MYO1E: variants seen among roughly 807,000 people sequenced by gnomAD.
MYO1E encodes unconventional myosin-Ie.
In MYO1E, 68 loss-of-function variants were observed where a neutral mutation model predicts 151.1. The observed-to-expected ratio is 0.45, with a 90% CI of 0.37 to 0.55. MYO1E has a LOEUF of 0.55. Among genes scored for constraint, MYO1E ranks in the 20% least tolerant of loss-of-function variants. The pLI is 0.00. For missense variants in MYO1E, 1,363 were observed against 1,389.3 expected (o/e 0.98, Z 0.30); for synonymous variants, 601 against 501.7 (o/e 1.20, Z -2.64).
chr15:59,300,753 T>C (rs908228902), intron 1 of MYO1E, among the ~76,000 whole-genome samples: 3 of 152,208 alleles, frequency 2.0e-5, no homozygotes, highest in Non-Finnish European at 4.4e-5. Flanking sequence ...ACAGGCTTTC[T>C]TGAAGGTCTC....
chr15:59,212,806 A>G (rs773848615), intron 12 of MYO1E: 2 of 152,220 alleles, frequency 1.3e-5, no homozygotes, highest in Non-Finnish European at 2.9e-5. Flanking sequence ...TGTCTTCATG[A>G]AAGAGACGGA....
intron 26 of MYO1E, among the ~76,000 whole-genome samples, chr15:59,140,329 T>G (rs2079401944): frequency 6.6e-6 from 1 of 152,250 alleles, no homozygotes; most frequent in Non-Finnish European, 1.5e-5. Flanking sequence ...TTTAGTGAGA[T>G]CTTTACACTT....
At chr15:59,332,814 C>T (rs186258524) in intron 1 of MYO1E, among the ~76,000 whole-genome samples, 10 of 152,116 alleles carry the variant, frequency 6.6e-5, no homozygotes, top group East Asian at 3.9e-4. Context: ...CCTCCCACCT[C>T]GGCCGCCCAA....
At chr15:59,172,636 G>C (rs2079602379) in intron 21 of MYO1E, among the ~76,000 whole-genome samples, 1 of 152,210 alleles carries the variant, frequency 6.6e-6, no homozygotes, top group Admixed American at 6.5e-5. Flanking sequence ...GGTGTAAAGG[G>C]AAAGTCACCA....
At chr15:59,204,378 G>A (rs546471398) in intron 15 of MYO1E, among the ~76,000 whole-genome samples, 1 of 152,292 alleles carries the variant, frequency 6.6e-6, no homozygotes, top group South Asian at 2.1e-4. Flanking sequence ...CCCTTTAATA[G>A]GAAATTATCA....
Position 59,136,501 on chromosome 15 carries a change from A to G in MYO1E, c.*879T>C. 1 of 308,966 alleles carries G rather than the reference A, an allele frequency of 3.2e-6. No homozygotes were observed. The highest frequency in any genetic ancestry group is 6.5e-6 in the Non-Finnish European group (1 of 153,094). 19.1% of individuals were successfully genotyped at this position (308,966 alleles called of 1,614,324 possible). ...CTCCGTAGTTGGAAAAAAGCAGAGC[A>G]CATCTTTAAGTACCTGGTGTGAGTT... On this transcript the variant is annotated 3_prime_UTR_variant, in exon 28 of 28. Coordinates refer to ENST00000288235, the MANE Select transcript of MYO1E (RefSeq NM_004998.4).
intron 19 of MYO1E, among the ~76,000 whole-genome samples, chr15:59,178,000 C>T (rs1358379468): frequency 6.6e-6 from 1 of 152,206 alleles, no homozygotes; most frequent in Admixed American, 6.5e-5. Flanking sequence ...CCCTCTTTAG[C>T]TTAGACACTC....
Position 59,227,489 on chromosome 15 carries a change from T to C in MYO1E, c.612A>G (p.Pro204=). ...AAAATATGTGAAAACTCCGCTCTCC[T>C]GGGTTCCTCATCACCACCCTAGATT... is the stretch of plus-strand genomic sequence containing the variant. ...LEKSRVVMRN[P]GERSFHIFYQ... Residue 204 remains proline, a synonymous_variant, in exon 7 of 28, where the codon CCA becomes CCG. Transcript: ENST00000288235. 1 of 1,614,182 alleles carries C rather than the reference T, an allele frequency of 6.2e-7. No individual in the cohort carries two copies. The highest frequency in any genetic ancestry group is 1.1e-5 in the South Asian group (1 of 91,088).
chr15:59,224,721 TG>T lies in MYO1E; in HGVS notation c.744del (p.Asp248GlufsTer15). 1 of 1,614,252 alleles carries T rather than the reference TG, an allele frequency of 6.2e-7. No homozygotes were observed. The highest frequency in any genetic ancestry group is 8.5e-7 in the Non-Finnish European group (1 of 1,180,048). ...TCCTGAAACTCCCGCCTGTCGTCAA[TG>T]TCATCAACCTTGTATGAGCCCGAGA... ...LSLSGSYKVD[D>X]IDDRREFQET... On this transcript the variant is annotated frameshift_variant, in exon 8 of 28. Coordinates refer to ENST00000288235, the MANE Select transcript of MYO1E (RefSeq NM_004998.4). LOFTEE classifies it high-confidence loss of function.
At chr15:59,225,623 A>G (rs1004065832) in intron 7 of MYO1E, among the ~76,000 whole-genome samples, 2 of 150,432 alleles carry the variant, frequency 1.3e-5, no homozygotes, top group East Asian at 2.0e-4. Flanking sequence ...CGTAGCTTCA[A>G]GAATTTCTTT....
At position 59,307,252 on chromosome 15, in the gene MYO1E, C is replaced by T. The variant is rs925705878; in HGVS notation, c.4-34803G>A. On this transcript the variant is annotated intron_variant, in intron 1 of 27. Transcript: ENST00000288235. ...GGCCTGGGCATTGGAACTCTCCGGG[C>T]ATCTCCAGTGGCACATGAGCATAGG... Among the ~76,000 whole-genome samples the T allele has an allele frequency of 3.9e-5, 6 of 152,220 alleles. No individual in the cohort carries two copies. The East Asian group carries it at 1.2e-3, about 29-fold the overall frequency.
chr15:59,246,596 C>T (rs565214936), intron 4 of MYO1E, among the ~76,000 whole-genome samples: 5 of 152,280 alleles, frequency 3.3e-5, no homozygotes, highest in Admixed American at 3.3e-4. Flanking sequence ...TCCATATTCC[C>T]TCAACATCCC....
At chr15:59,214,781 C>T (rs1316492160) in intron 10 of MYO1E, 61 bp from the exon 11 acceptor site, 4 of 1,337,348 alleles carry the variant, frequency 3.0e-6, no homozygotes, top group East Asian at 4.6e-5. Flanking sequence ...AACGGGCATG[C>T]ACTGGGGAAA....
intron 1 of MYO1E, among the ~76,000 whole-genome samples, chr15:59,311,941 C>G (rs1431134837): frequency 6.6e-6 from 1 of 152,158 alleles, no homozygotes; most frequent in Non-Finnish European, 1.5e-5. Context: ...CAAGAAGGCC[C>G]TCACTAGATG....
At chr15:59,233,868 C>G (rs1263954650) in intron 5 of MYO1E, among the ~76,000 whole-genome samples, 1 of 126,400 alleles carries the variant, frequency 7.9e-6, no homozygotes, top group African/African-American at 3.1e-5. Flanking sequence ...AGAATACACA[C>G]TGTATTTCAA....
intron 13 of MYO1E, among the ~76,000 whole-genome samples, chr15:59,209,199 T>C (rs2140339239): frequency 6.6e-6 from 1 of 152,368 alleles, no homozygotes; most frequent in Non-Finnish European, 1.5e-5. Flanking sequence ...TTCTTAATGT[T>C]CTCTTTCAGC....
rs1209432977 is a variant in MYO1E at position 59,134,496 on chromosome 15, CCT to C, written c.*2882_*2883del. On this transcript the variant is annotated 3_prime_UTR_variant, in exon 28 of 28. Transcript: ENST00000288235. ...TTTGATCCCAGGAGTTTCAGATCAG[CCT>C]CTCTCTGTCTCACAGACGGCCATCA... is the stretch of plus-strand genomic sequence containing the variant. 2.6e-5 allele frequency: 4 copies of C among 152,220 alleles called. No homozygotes were observed. The highest frequency in any genetic ancestry group is 9.7e-5 in the African/African-American group (4 of 41,422). 9.4% of individuals were successfully genotyped at this position (152,220 alleles called of 1,614,324 possible). A position where few individuals can be genotyped will look rare whatever the true frequency, so the allele number is the denominator to read the frequency against.
intron 18 of MYO1E, among the ~76,000 whole-genome samples, chr15:59,185,662 G>A (rs1171825096): frequency 1.3e-5 from 2 of 152,230 alleles, no homozygotes; most frequent in Non-Finnish European, 2.9e-5. Context: ...GACTGCTTAA[G>A]CCCAAGAGTT....
At chr15:59,228,376 A>T (rs1165508577) in intron 6 of MYO1E, among the ~76,000 whole-genome samples, 1 of 152,060 alleles carries the variant, frequency 6.6e-6, no homozygotes, top group African/African-American at 2.4e-5. Flanking sequence ...CCAGCGAGGC[A>T]GGAGAATCGC....
Sources: gnomAD v4.1 joint callset for allele counts (sites outside exome capture counted in the v4.1 genomes callset) on GRCh38, gnomAD v4.1.1 for gene constraint, MANE v1.5 for transcripts, NCBI Gene and HGNC (gene_info 2026-07-23, HGNC 2026-07-21) for gene names.